The following PCDHA3 variants were observed in gnomAD, a reference collection of about 807,000 sequenced individuals.
The protein encoded by PCDHA3 is protocadherin alpha-3.
In PCDHA3, 41 loss-of-function variants were observed where a neutral mutation model predicts 62.2. The ratio of observed to expected loss-of-function variants is 0.66; its 90% confidence interval spans 0.51 to 0.86. PCDHA3 has a LOEUF of 0.86. PCDHA3 is among the 40% of genes least tolerant of loss of function. The probability of loss-of-function intolerance (pLI) is 0.00; values close to 1 mark genes in which losing one functional copy is unlikely to be tolerated. For synonymous variants in PCDHA3, 640 were observed against 555.4 expected (o/e 1.15, Z -2.14); for missense variants, 1,304 against 1,241.2 (o/e 1.05, Z -0.76).
intron 3 of PCDHA3, among the ~76,000 whole-genome samples, chr5:140,987,711 T>C (rs2097265419): frequency 6.6e-6 from 1 of 152,208 alleles, no homozygotes; most frequent in South Asian, 2.1e-4. Flanking sequence ...TTTCCAGGTA[T>C]GAGTCTATCC....
At chr5:140,809,829 T>A (rs1319284228) in intron 1 of PCDHA3, 1 of 363,652 alleles carries the variant, frequency 2.7e-6, no homozygotes, top group Non-Finnish European at 4.9e-6. Flanking sequence ...TCACCCTCTT[T>A]GTTTTTGGTA....
At chr5:140,812,917 GT>G (rs1554126079) in intron 1 of PCDHA3, 1 of 152,098 alleles carries the variant, frequency 6.6e-6, no homozygotes. Flanking sequence ...TCAAAATTCT[GT>G]TGTTTAATTT....
At chr5:140,882,556 T>A (rs367760301) in intron 1 of PCDHA3, 11 of 1,614,194 alleles carry the variant, frequency 6.8e-6, no homozygotes, top group Non-Finnish European at 9.3e-6. Flanking sequence ...AGGAGCTGTG[T>A]GGGCGGAGCG....
chr5:140,836,830 G>T, intron 1 of PCDHA3: 1 of 945,180 alleles, frequency 1.1e-6, no homozygotes, highest in South Asian at 1.8e-5. Context: ...TTTTTTAGTT[G>T]ATAGCTTTAT....
chr5:140,809,248 G>A, intron 1 of PCDHA3: 1 of 1,614,068 alleles, frequency 6.2e-7, no homozygotes, highest in Non-Finnish European at 8.5e-7. Context: ...TGGGCGCTGT[G>A]GGTCCCGATG....
At chr5:141,000,900 G>T (rs1020896392) in intron 3 of PCDHA3, among the ~76,000 whole-genome samples, 4 of 151,614 alleles carry the variant, frequency 2.6e-5, no homozygotes, top group African/African-American at 9.7e-5. Context: ...AGATATAGAC[G>T]CTGTCTCTAA....
rs377133743 is a variant in PCDHA3 at position 140,875,740 on chromosome 5, A to C, written c.2394+72149A>C. The C allele has an allele frequency of 2.1e-4, 339 of 1,614,222 alleles. No individual in the cohort carries two copies. The African/African-American group carries it at 4.0e-3, about 19-fold the overall frequency. On this transcript the variant is annotated intron_variant, in intron 1 of 3. Coordinates refer to ENST00000522353, the MANE Select transcript of PCDHA3 (RefSeq NM_018906.3). ...TGGCATTTTGTTTGTGAATTCTCGG[A>C]TCGACCGCGAGAAGCTGTGCGGGCG...
intron 1 of PCDHA3, among the ~76,000 whole-genome samples, chr5:140,839,552 A>G (rs2150298794): frequency 0.059 from 9,014 of 151,912 alleles, 957 homozygotes; most frequent in African/African-American, 0.21. Flanking sequence ...ACCATGCCCA[A>G]CTAATTTTTG....
rs375111738 is a variant in PCDHA3 at position 140,802,944 on chromosome 5, C to T, written c.1747C>T (p.Arg583Trp). 2.5e-6 allele frequency: 4 copies of T among 1,613,866 alleles called. No individual in the cohort carries two copies. Among genetic ancestry groups the T allele is most frequent in the Admixed American group, 1.7e-5 (1 of 60,006 alleles). The change falls in exon 1 of 4, where the codon CGG becomes TGG. Residue 583 changes from arginine to tryptophan, a missense_variant. By Grantham distance (101) the Arg-to-Trp change is moderately radical. Coordinates refer to ENST00000522353, the MANE Select transcript of PCDHA3 (RefSeq NM_018906.3). ...TGGCGCAGTGAGCGAGCTGGTGCCG[C>T]GGTCAGTGGGTGCGGGCCACGTGGT... The part of the protein sequence containing the change: ...IGGAVSELVP[R>W]SVGAGHVVAK...
chr5:140,871,382 A>C (rs781900960), intron 1 of PCDHA3: 1 of 1,614,070 alleles, frequency 6.2e-7, no homozygotes, highest in South Asian at 1.1e-5. Context: ...GTGTGCTCTG[A>C]GGAGGGCCCA....
intron 1 of PCDHA3, chr5:140,809,161 G>A (rs782214418): frequency 2.5e-6 from 4 of 1,613,952 alleles, no homozygotes; most frequent in African/African-American, 1.3e-5. Flanking sequence ...GCGAGCCCGC[G>A]CTGACGGCCA....
chr5:141,000,419 A>T (rs1394449061), intron 3 of PCDHA3, among the ~76,000 whole-genome samples: 972 of 60,664 alleles, frequency 0.016, 14 homozygotes, highest in African/African-American at 0.023. Flanking sequence ...ATATATATAT[A>T]TATTTTTTTT....
chr5:140,996,531 G>A (rs782175834), intron 3 of PCDHA3, among the ~76,000 whole-genome samples: 1 of 152,146 alleles, frequency 6.6e-6, no homozygotes, highest in African/African-American at 2.4e-5. Context: ...GGCCCTGTGT[G>A]TTTTGATATT....
At chr5:140,999,319 T>G (rs2097853876) in intron 3 of PCDHA3, among the ~76,000 whole-genome samples, 1 of 152,236 alleles carries the variant, frequency 6.6e-6, no homozygotes, top group African/African-American at 2.4e-5. Flanking sequence ...TGACAGACAT[T>G]GATCTGTGTG....
chr5:140,849,560 C>T, intron 1 of PCDHA3: 1 of 1,598,572 alleles, frequency 6.3e-7, no homozygotes, highest in Non-Finnish European at 8.6e-7. Context: ...TCAAAACGCT[C>T]TCGGTTCCTG....
In PCDHA3 at chr5:140,803,312, C is replaced by T. The variant is rs782276792; in HGVS notation, c.2115C>T (p.Cys705=). The T allele has an allele frequency of 1.9e-6, 3 of 1,614,148 alleles. No individual in the cohort carries two copies. Among genetic ancestry groups the T allele is most frequent in the Middle Eastern group, 1.6e-4 (1 of 6,062 alleles). ...ACGTGTACTTGATCGTCGCCATCTG[C>T]GCGGTGTCCAGTCTGTTGGTGCTCA... The part of the protein sequence containing the change: ...DVNVYLIVAI[C]AVSSLLVLTL... Residue 705 remains cysteine (C), a synonymous_variant, in exon 1 of 4, where the codon TGC becomes TGT. Transcript: ENST00000522353.
chr5:140,958,810 G>C (rs2095443726), intron 1 of PCDHA3, among the ~76,000 whole-genome samples: 1 of 151,988 alleles, frequency 6.6e-6, no homozygotes, highest in African/African-American at 2.4e-5. Flanking sequence ...ACACCATTCT[G>C]TTTTAATTTT....
intron 1 of PCDHA3, chr5:140,829,791 C>A (rs2150174783): frequency 1.6e-5 from 26 of 1,613,668 alleles, no homozygotes; most frequent in South Asian, 2.2e-5. Context: ...GCGCTGCTGG[C>A]GCCTCGGGTG....
chr5:140,998,755 A>G (rs940678929), intron 3 of PCDHA3, among the ~76,000 whole-genome samples: 2 of 152,062 alleles, frequency 1.3e-5, no homozygotes, highest in African/African-American at 4.8e-5. Flanking sequence ...GAAGAGACAC[A>G]GTTTCACTAT....
Sources: gnomAD v4.1 joint callset for allele counts (sites outside exome capture counted in the v4.1 genomes callset) on GRCh38, gnomAD v4.1.1 for gene constraint, MANE v1.5 for transcripts, NCBI Gene and HGNC (gene_info 2026-07-23, HGNC 2026-07-21) for gene names.